HS2ST1: variants seen among roughly 807,000 people sequenced by gnomAD.
HS2ST1 encodes the protein heparan sulfate 2-O-sulfotransferase 1.
A neutral mutation model predicts 42.9 loss-of-function variants in HS2ST1; 18 were observed. That is an observed-to-expected ratio of 0.42 (90% CI 0.29 to 0.62). The LOEUF (loss-of-function observed/expected upper bound fraction) is 0.62. HS2ST1 is among the 20% of genes least tolerant of loss of function. The probability of loss-of-function intolerance (pLI) is 0.21; values close to 1 mark genes in which losing one functional copy is unlikely to be tolerated. For synonymous variants in HS2ST1, 146 were observed against 152.9 expected (o/e 0.95, Z 0.33); for missense variants, 334 against 433.8 (o/e 0.77, Z 2.04).
At chr1:86,996,422 A>C (rs1036967417) in intron 1 of HS2ST1, among the ~76,000 whole-genome samples, 1 of 145,082 alleles carries the variant, frequency 6.9e-6, no homozygotes, top group African/African-American at 2.5e-5. Context: ...AGCCTGGGCA[A>C]CAAGAGTGAA....
Position 87,107,995 on chromosome 1 carries a change from G to C in HS2ST1, c.*3299G>C, listed in dbSNP as rs912007708. ...AACTTAATGATTTTTATAATTTTCT[G>C]ATCTTAAAATTTGGTTAATGCCTAT... On this transcript the variant is annotated 3_prime_UTR_variant, in exon 7 of 7. Coordinates refer to ENST00000370550, the MANE Select transcript of HS2ST1 (RefSeq NM_012262.4). 6.6e-6 allele frequency: 1 copy of C among 151,958 alleles called. No homozygotes were observed. The highest frequency in any genetic ancestry group is 2.4e-5 in the African/African-American group (1 of 41,386). The allele number at this position is 151,958 out of a possible 1,614,324, so 9.4% of individuals were successfully genotyped here. A position where few individuals can be genotyped will look rare whatever the true frequency, so the allele number is the denominator to read the frequency against.
At chr1:86,916,147 C>T (rs1660153104) in intron 1 of HS2ST1, among the ~76,000 whole-genome samples, 1 of 152,040 alleles carries the variant, frequency 6.6e-6, no homozygotes, top group African/African-American at 2.4e-5. Flanking sequence ...TGGAAGAGCT[C>T]AGCATGGAGA....
Position 87,063,853 on chromosome 1 carries a change from G to A in HS2ST1, c.125-9081G>A, listed in dbSNP as rs530684275. 5.3e-5 allele frequency among the ~76,000 whole-genome samples: 8 copies of A among 152,218 alleles called. No homozygotes were observed. In the East Asian group the frequency reaches 1.5e-3, roughly 29 times the overall value. Reference sequence around the variant, plus strand: ...GAGTTTGAGATCCTGCTGGTTCTTGGTATGATGAATAAGTATTTTATAGAA... The same window carrying A: ...GAGTTTGAGATCCTGCTGGTTCTTGATATGATGAATAAGTATTTTATAGAA... On this transcript the variant is annotated intron_variant, in intron 1 of 6. Transcript: ENST00000370550.
intron 1 of HS2ST1, among the ~76,000 whole-genome samples, chr1:87,042,084 A>T (rs919567276): frequency 6.6e-6 from 1 of 152,120 alleles, no homozygotes; most frequent in African/African-American, 2.4e-5. Flanking sequence ...AGTGATGTCC[A>T]GCATCTTCCT....
intron 1 of HS2ST1, among the ~76,000 whole-genome samples, chr1:87,004,490 CAT>C (rs1649380784): frequency 6.6e-6 from 1 of 152,002 alleles, no homozygotes; most frequent in African/African-American, 2.4e-5. Flanking sequence ...ACCCTTTTGA[CAT>C]ATATATTTAT....
intron 1 of HS2ST1, among the ~76,000 whole-genome samples, chr1:86,923,931 C>T (rs1325127361): frequency 6.6e-6 from 1 of 152,176 alleles, no homozygotes; most frequent in African/African-American, 2.4e-5. Flanking sequence ...TTCCCACAGT[C>T]CCCCAAAGTC....
rs549934124 is a variant in HS2ST1 at position 86,933,559 on chromosome 1, G to GT, written c.124+18405dup. Among the ~76,000 whole-genome samples the GT allele has an allele frequency of 1.9e-3, 294 of 152,200 alleles. 1 individual carries two copies. The highest frequency in any genetic ancestry group is 6.7e-3 in the African/African-American group (279 of 41,522). On this transcript the variant is annotated intron_variant, in intron 1 of 6. Transcript: ENST00000370550. Reference sequence around the variant, plus strand: ...GGCATCAGTTTTTGAATGTCGTGTAGTTTTTTCCATTAAAGCCCTTAGCAC... The same window carrying GT: ...GGCATCAGTTTTTGAATGTCGTGTAGTTTTTTTCCATTAAAGCCCTTAGCAC...
intron 1 of HS2ST1, among the ~76,000 whole-genome samples, chr1:87,043,689 G>A (rs1301011881): frequency 6.6e-6 from 1 of 151,994 alleles, no homozygotes; most frequent in Non-Finnish European, 1.5e-5. Context: ...GGAAAATATG[G>A]ATGTATATGT....
chr1:86,984,482 G>A (rs943150928), intron 1 of HS2ST1, among the ~76,000 whole-genome samples: 5 of 152,202 alleles, frequency 3.3e-5, no homozygotes, highest in Non-Finnish European at 7.3e-5. Context: ...GAGTTTGGAT[G>A]TATAAGAATT....
chr1:86,968,430 C>CTTT (rs5775927), intron 1 of HS2ST1, among the ~76,000 whole-genome samples: 1 of 149,038 alleles, frequency 6.7e-6, no homozygotes, highest in Non-Finnish European at 1.5e-5. Context: ...TTCTCCAATC[C>CTTT]TTTTTTTTTT....
chr1:87,101,149 G>GTGTGTTGT (rs1557546421), intron 5 of HS2ST1, among the ~76,000 whole-genome samples: 1 of 59,540 alleles, frequency 1.7e-5, no homozygotes, highest in African/African-American at 6.5e-5. Flanking sequence ...GTGTGTGTGT[G>GTGTGTTGT]TTTTTTGTTT....
intron 1 of HS2ST1, among the ~76,000 whole-genome samples, chr1:86,984,617 G>A (rs1257513937): frequency 6.6e-6 from 1 of 152,196 alleles, no homozygotes; most frequent in African/African-American, 2.4e-5. Context: ...GGATGCAGTG[G>A]TTCGCGCCTG....
intron 5 of HS2ST1, among the ~76,000 whole-genome samples, chr1:87,103,231 C>T (rs578247196): frequency 6.6e-6 from 1 of 152,276 alleles, no homozygotes; most frequent in African/African-American, 2.4e-5. Flanking sequence ...TGAATTAGCA[C>T]TCATAGTTGA....
intron 1 of HS2ST1, among the ~76,000 whole-genome samples, chr1:86,967,823 G>T (rs956998836): frequency 1.3e-5 from 2 of 152,166 alleles, no homozygotes; most frequent in African/African-American, 4.8e-5. Flanking sequence ...CCAGTAGTGG[G>T]ATTGCTGGAT....
At chr1:86,950,385 T>TAGATAGAC (rs1557490662) in intron 1 of HS2ST1, among the ~76,000 whole-genome samples, 1 of 151,948 alleles carries the variant, frequency 6.6e-6, no homozygotes, top group African/African-American at 2.4e-5. Context: ...GGTAGGTAGA[T>TAGATAGAC]AGACAGACAG....
At chr1:86,973,973 C>T (rs577476158) in intron 1 of HS2ST1, among the ~76,000 whole-genome samples, 1 of 152,226 alleles carries the variant, frequency 6.6e-6, no homozygotes, top group South Asian at 2.1e-4. Flanking sequence ...TGGTCCTACC[C>T]CCAGTTCCTG....
Position 87,045,219 on chromosome 1 carries a change from C to T in HS2ST1, c.125-27715C>T, listed in dbSNP as rs151321392. On this transcript the variant is annotated intron_variant, in intron 1 of 6. Transcript: ENST00000370550. ...TTTTTCTGGGGCATCACCAACACTT[C>T]AAATTCAACATCCTTTCCTAGGTCT... 330 of 1,001,916 alleles carry T rather than the reference C, an allele frequency of 3.3e-4. 1 individual carries two copies. In the East Asian group the frequency reaches 5.8e-3, roughly 17 times the overall value. The allele number at this position is 1,001,916 out of a possible 1,614,324, so 62.1% of individuals were successfully genotyped here.
intron 1 of HS2ST1, among the ~76,000 whole-genome samples, chr1:87,047,928 A>G (rs1050890969): frequency 3.3e-5 from 5 of 152,132 alleles, no homozygotes; most frequent in Non-Finnish European, 5.9e-5. Context: ...GCCTATTCCA[A>G]ATTATTTACA....
At chr1:87,067,533 A>C (rs988038468) in intron 1 of HS2ST1, among the ~76,000 whole-genome samples, 7 of 152,142 alleles carry the variant, frequency 4.6e-5, no homozygotes, top group African/African-American at 1.7e-4. Context: ...GTTCACTCTG[A>C]TGATAGTTTC....
Sources: gnomAD v4.1 joint callset for allele counts (sites outside exome capture counted in the v4.1 genomes callset) on GRCh38, gnomAD v4.1.1 for gene constraint, MANE v1.5 for transcripts, NCBI Gene and HGNC (gene_info 2026-07-23, HGNC 2026-07-21) for gene names.